FSTL1: variants seen among roughly 807,000 people sequenced by gnomAD.
FSTL1 encodes the protein follistatin like 1, also known as follistatin-related protein 1.
In FSTL1, 24 loss-of-function variants were observed where a neutral mutation model predicts 45.9. That is an observed-to-expected ratio of 0.52 (90% CI 0.38 to 0.74). The LOEUF is 0.74. Among genes scored for constraint, FSTL1 ranks in the 30% least tolerant of loss-of-function variants. The probability of loss-of-function intolerance (pLI) is 0.00; values close to 1 mark genes in which losing one functional copy is unlikely to be tolerated. For synonymous variants in FSTL1, 120 were observed against 137.6 expected (o/e 0.87, Z 0.89); for missense variants, 340 against 381.8 (o/e 0.89, Z 0.91).
At chr3:120,444,768 C>G (rs1937701244) in intron 2 of FSTL1, among the ~76,000 whole-genome samples, 1 of 150,042 alleles carries the variant, frequency 6.7e-6, no homozygotes, top group South Asian at 2.1e-4. Context: ...CCACTACCTA[C>G]AGATAATTTC....
At chr3:120,412,915 G>T (rs13097755) in intron 3 of FSTL1, among the ~76,000 whole-genome samples, 51,570 of 151,076 alleles carry the variant, frequency 0.34, 9,249 homozygotes, top group Admixed American at 0.39. Flanking sequence ...ATCTCTTGCT[G>T]TATATACTAT....
rs1165016366 is a variant in FSTL1 at position 120,415,923 on chromosome 3, C to T, written c.168G>A (p.Glu56=). 2.5e-6 allele frequency: 4 copies of T among 1,599,914 alleles called. No individual in the cohort carries two copies. The highest frequency in any genetic ancestry group is 3.4e-6 in the Non-Finnish European group (4 of 1,167,162). The change falls in exon 3 of 11, where the codon GAG becomes GAA. Residue 56 remains glutamate, a splice_region_variant and synonymous_variant. Coordinates refer to ENST00000295633, the MANE Select transcript of FSTL1 (RefSeq NM_007085.5). The part of the protein sequence containing the change: ...EKGEPTCLCI[E]QCKPHKRPVC... The stretch of plus-strand genomic sequence containing the variant: ...TCTGGCTCCCGACATCAGGACTTAC[C>T]TCAATGCAGAGACAGGTGGGTTCCC...
At chr3:120,412,498 T>C (rs182069684) in intron 3 of FSTL1, among the ~76,000 whole-genome samples, 1 of 152,264 alleles carries the variant, frequency 6.6e-6, no homozygotes, top group African/African-American at 2.4e-5. Flanking sequence ...AGACATCAAA[T>C]CTGCTTGCAC....
At chr3:120,425,741 G>A (rs1937365268) in intron 2 of FSTL1, among the ~76,000 whole-genome samples, 1 of 152,158 alleles carries the variant, frequency 6.6e-6, no homozygotes, top group Non-Finnish European at 1.5e-5. Context: ...ACAGTCACAT[G>A]AGGGTGTTGC....
rs1280706783 is a variant in FSTL1, at chr3:120,396,989, G to A, written c.890C>T (p.Ala297Val). 5 of 1,610,826 alleles carry A rather than the reference G, an allele frequency of 3.1e-6. No homozygotes were observed. Among genetic ancestry groups the A allele is most frequent in the Middle Eastern group, 3.3e-4 (2 of 6,084 alleles). ...GGTGCTCACTCTCTTGGTCTTTTCA[G>A]CTGTTTCCTTTGAGATGCAAGAGAA... ...VQELQKHQET[A>V]EKTKRVSTKE... Residue 297 changes from alanine (A) to valine (V), a missense_variant, in exon 11 of 11, where the codon GCT becomes GTT. Coordinates refer to ENST00000295633, the MANE Select transcript of FSTL1 (RefSeq NM_007085.5).
chr3:120,417,335 C>G lies in FSTL1; in HGVS notation c.64-1308G>C, dbSNP rs545895024. Among the ~76,000 whole-genome samples the G allele has an allele frequency of 7.9e-5, 12 of 152,296 alleles. No individual in the cohort carries two copies. The South Asian group carries it at 1.9e-3, about 24-fold the overall frequency. ...GGCTTTCGAGCTGAGGTGCTGTATCCAATACAGCTAGTCTGCTGCCACCCA... is the reference window on the plus strand; with the variant it reads ...GGCTTTCGAGCTGAGGTGCTGTATCGAATACAGCTAGTCTGCTGCCACCCA... On this transcript the variant is annotated intron_variant, in intron 2 of 10. Coordinates refer to ENST00000295633, the MANE Select transcript of FSTL1 (RefSeq NM_007085.5).
chr3:120,414,119 C>G (rs1411253039), intron 3 of FSTL1, among the ~76,000 whole-genome samples: 2 of 152,056 alleles, frequency 1.3e-5, no homozygotes, highest in Non-Finnish European at 2.9e-5. Context: ...GTGGCGTGAT[C>G]TCGGCTCGCT....
chr3:120,435,168 G>A (rs567017817), intron 2 of FSTL1, among the ~76,000 whole-genome samples: 6 of 152,184 alleles, frequency 3.9e-5, no homozygotes, highest in African/African-American at 1.2e-4. Flanking sequence ...GCAGTGAGCC[G>A]AGATCCTGCC....
At chr3:120,412,824 GCGCGCGCGCGCGCGCA>G (rs1937090588) in intron 3 of FSTL1, among the ~76,000 whole-genome samples, 1 of 92,794 alleles carries the variant, frequency 1.1e-5, no homozygotes, top group East Asian at 7.5e-4. Context: ...ACATGTGCGC[GCGCGCGCGCGCGCGCA>G]CACACACACA....
At chr3:120,426,966 G>T (rs1378847543) in intron 2 of FSTL1, among the ~76,000 whole-genome samples, 1 of 152,114 alleles carries the variant, frequency 6.6e-6, no homozygotes, top group Non-Finnish European at 1.5e-5. Context: ...GCTGTAAGTG[G>T]ACTAAAATTT....
chr3:120,414,192 CT>C (rs1164144587), intron 3 of FSTL1, among the ~76,000 whole-genome samples: 1 of 152,192 alleles, frequency 6.6e-6, no homozygotes, highest in East Asian at 1.9e-4. Context: ...CAGCCTCTGC[CT>C]GGCTGCCACC....
chr3:120,399,771 G>A (rs1414106047), intron 10 of FSTL1, 112 bp downstream of exon 10: 5 of 699,200 alleles, frequency 7.2e-6, no homozygotes, highest in South Asian at 1.6e-5. Context: ...AAGATGTACT[G>A]TATTGAGCAG....
rs1162324638 is a variant in FSTL1 at position 120,395,181 on chromosome 3, G to A, written c.*1771C>T. On this transcript the variant is annotated 3_prime_UTR_variant, in exon 11 of 11. Transcript: ENST00000295633. The stretch of plus-strand genomic sequence containing the variant: ...AAAAACTAGAAGGAATTCTATTTTT[G>A]GCACAACAGTTTCTCACAGTTGCCT... 6.5e-6 allele frequency: 1 copy of A among 153,832 alleles called. No individual in the cohort carries two copies. The highest frequency in any genetic ancestry group is 1.4e-5 in the Non-Finnish European group (1 of 69,354). The allele number at this position is 153,832 out of a possible 1,614,324, so 9.5% of individuals were successfully genotyped here.
intron 3 of FSTL1, among the ~76,000 whole-genome samples, chr3:120,415,237 G>A (rs1240584203): frequency 6.6e-6 from 1 of 151,912 alleles, no homozygotes. Flanking sequence ...CAGAAATAAA[G>A]GCAGGGGCAT....
intron 2 of FSTL1, chr3:120,441,130 G>C (rs373172164): frequency 6.6e-6 from 1 of 152,148 alleles, no homozygotes. Context: ...TGAAAGCAAA[G>C]GATCCTATTC....
intron 2 of FSTL1, among the ~76,000 whole-genome samples, chr3:120,439,912 G>C (rs981745266): frequency 6.6e-6 from 1 of 152,164 alleles, no homozygotes; most frequent in Non-Finnish European, 1.5e-5. Context: ...CCAGGAGTTA[G>C]AGACCAGCAT....
intron 2 of FSTL1, among the ~76,000 whole-genome samples, chr3:120,432,328 G>A (rs1199232441): frequency 6.6e-6 from 1 of 152,012 alleles, no homozygotes; most frequent in African/African-American, 2.4e-5. Context: ...TTTCCTTGAA[G>A]CAGTTGGGAT....
rs541892165 is a variant in FSTL1 at position 120,445,264 on chromosome 3, G to A, written c.63+5420C>T. 2.0e-5 allele frequency among the ~76,000 whole-genome samples: 3 copies of A among 150,072 alleles called. No individual in the cohort carries two copies. In the South Asian group the frequency reaches 6.2e-4, roughly 31 times the overall value. Reference sequence around the variant, plus strand: ...AAGGAAAGCCATTTATTGTTAACAAGTTAAAATGTTAAAAATAACATCCAA... The same window carrying A: ...AAGGAAAGCCATTTATTGTTAACAAATTAAAATGTTAAAAATAACATCCAA... On this transcript the variant is annotated intron_variant, in intron 2 of 10. Transcript: ENST00000295633.
intron 2 of FSTL1, among the ~76,000 whole-genome samples, chr3:120,427,241 T>G (rs930489428): frequency 6.6e-6 from 1 of 152,344 alleles, no homozygotes; most frequent in East Asian, 1.9e-4. Flanking sequence ...TTTCTACTGG[T>G]ATGAATTCCC....
Sources: allele counts gnomAD v4.1 joint callset (sites outside exome capture counted in the v4.1 genomes callset), GRCh38; gene constraint gnomAD v4.1.1; transcripts MANE v1.5; gene names NCBI Gene and HGNC (gene_info 2026-07-23, HGNC 2026-07-21).